ETV6: variants seen among roughly 807,000 people sequenced by gnomAD.
ETV6 encodes the protein ETS variant transcription factor 6.
ETV6 carries 16 observed loss-of-function variants against 51.1 expected under a neutral mutation model. The observed-to-expected ratio is 0.31, with a 90% confidence interval of 0.21 to 0.48. The LOEUF (loss-of-function observed/expected upper bound fraction) is 0.48. Among genes scored for constraint, ETV6 ranks in the 20% least tolerant of loss-of-function variants. The pLI is 0.99. For missense variants in ETV6, 458 were observed against 594.8 expected (o/e 0.77, Z 2.39); for synonymous variants, 240 against 224.1 (o/e 1.07, Z -0.64).
chr12:11,658,947 A>T (rs577362003), intron 1 of ETV6, among the ~76,000 whole-genome samples: 1 of 152,344 alleles, frequency 6.6e-6, no homozygotes, highest in South Asian at 2.1e-4. Flanking sequence ...CTATTCAGGG[A>T]TCTGCTCCTT....
intron 2 of ETV6, among the ~76,000 whole-genome samples, chr12:11,792,085 A>C (rs1304423063): frequency 6.6e-6 from 1 of 152,236 alleles, no homozygotes; most frequent in Non-Finnish European, 1.5e-5. Flanking sequence ...CACAGCAAAT[A>C]GATAAATCAA....
At chr12:11,780,406 A>C (rs1945396148) in intron 2 of ETV6, among the ~76,000 whole-genome samples, 1 of 152,188 alleles carries the variant, frequency 6.6e-6, no homozygotes, top group Non-Finnish European at 1.5e-5. Flanking sequence ...TTAGAAGTAT[A>C]CCAGTTCTTC....
chr12:11,723,195 T>C (rs973664828), intron 1 of ETV6, among the ~76,000 whole-genome samples: 2 of 152,214 alleles, frequency 1.3e-5, no homozygotes, highest in African/African-American at 2.4e-5. Flanking sequence ...AATTAATATG[T>C]GATAAGCCCT....
chr12:11,665,871 C>A (rs1419110112), intron 1 of ETV6, among the ~76,000 whole-genome samples: 2 of 152,194 alleles, frequency 1.3e-5, no homozygotes, highest in African/African-American at 4.8e-5. Flanking sequence ...TTCTCAGTTG[C>A]CTACTTTCTA....
At chr12:11,738,249 CCTCCTTCCT>C (rs1865743932) in intron 1 of ETV6, among the ~76,000 whole-genome samples, 3 of 149,572 alleles carry the variant, frequency 2.0e-5, no homozygotes, top group Non-Finnish European at 4.4e-5. Flanking sequence ...TCCCTCCTTC[CCTCCTTCCT>C]TCCTCTCTCT....
At position 11,891,153 on chromosome 12, in the gene ETV6, A is replaced by C; in HGVS notation, c.*107A>C. ...GCGGGCTGAGGAGAGTGGAAAAGGA[A>C]GCGACCCAGAAATGGCAGGGACACT... On this transcript the variant is annotated 3_prime_UTR_variant, in exon 8 of 8. Transcript: ENST00000396373. 1 of 838,738 alleles carries C rather than the reference A, an allele frequency of 1.2e-6. No homozygotes were observed. The allele number at this position is 838,738 out of a possible 1,614,324, so 52.0% of individuals were successfully genotyped here.
At position 11,729,191 on chromosome 12, in the gene ETV6, G is replaced by A. The variant is rs531224351; in HGVS notation, c.34-23259G>A. Among the ~76,000 whole-genome samples, 3 of 152,336 alleles carry A rather than the reference G, an allele frequency of 2.0e-5. No homozygotes were observed. The South Asian group carries it at 6.2e-4, about 32-fold the overall frequency. The stretch of plus-strand genomic sequence containing the variant: ...TTTCCTGCTCAGGCAGGTAAGATCT[G>A]CTGAAGGAAGGAACCGTTGCCAACT... On this transcript the variant is annotated intron_variant, in intron 1 of 7. Transcript: ENST00000396373.
intron 2 of ETV6, among the ~76,000 whole-genome samples, chr12:11,813,048 G>A (rs16907321): frequency 0.01 from 1,537 of 152,294 alleles, 27 homozygotes; most frequent in African/African-American, 0.035. Context: ...TCAGTTCGCC[G>A]GGATGTCTAT....
At position 11,869,478 on chromosome 12, in the gene ETV6, C is replaced by A. The variant is rs1428361713; in HGVS notation, c.518C>A (p.Pro173His). 45 of 1,613,980 alleles carry A rather than the reference C, an allele frequency of 2.8e-5. No individual in the cohort carries two copies. The highest frequency in any genetic ancestry group is 3.7e-5 in the Non-Finnish European group (44 of 1,180,012). The change falls in exon 5 of 8, where the codon CCT becomes CAT. Residue 173 changes from proline to histidine, a missense_variant. Coordinates refer to ENST00000396373, the MANE Select transcript of ETV6 (RefSeq NM_001987.5). The surrounding 1 kb of genome is among the most constrained non-coding windows in gnomAD (Gnocchi z 5.0). ...RPSVDNVHHNPPTIELLHRSR... is the reference protein window; with the variant it reads ...RPSVDNVHHNHPTIELLHRSR... The stretch of plus-strand genomic sequence containing the variant: ...TCCGTGGATAATGTGCACCATAACC[C>A]TCCCACCATTGAACTGTTGCACCGC...
chr12:11,801,508 G>A (rs142777531), intron 2 of ETV6, among the ~76,000 whole-genome samples: 1 of 152,342 alleles, frequency 6.6e-6, no homozygotes, highest in East Asian at 1.9e-4. Context: ...CTGAGAAATA[G>A]AATGGCCCTC....
intron 1 of ETV6, among the ~76,000 whole-genome samples, chr12:11,694,399 C>A (rs769677108): frequency 1.3e-5 from 2 of 152,118 alleles, no homozygotes; most frequent in Non-Finnish European, 2.9e-5. Context: ...GAATTGGGGA[C>A]CCATCTGTTG....
At chr12:11,835,358 C>G (rs189434040) in intron 2 of ETV6, among the ~76,000 whole-genome samples, 1 of 152,334 alleles carries the variant, frequency 6.6e-6, no homozygotes, top group Admixed American at 6.5e-5. Context: ...CTCTCCTTCT[C>G]TCCTTTTTTT....
At chr12:11,818,109 A>G (rs1301598561) in intron 2 of ETV6, among the ~76,000 whole-genome samples, 2 of 152,202 alleles carry the variant, frequency 1.3e-5, no homozygotes, top group African/African-American at 2.4e-5. Flanking sequence ...GTGCTGGGAA[A>G]AAAGGTCTGG....
intron 2 of ETV6, among the ~76,000 whole-genome samples, chr12:11,832,008 C>T (rs1473269907): frequency 2.0e-5 from 3 of 152,116 alleles, no homozygotes; most frequent in Admixed American, 6.5e-5. Flanking sequence ...GTCTAATGAG[C>T]TCCGATTTTT....
chr12:11,660,426 G>A (rs1415167745), intron 1 of ETV6, among the ~76,000 whole-genome samples: 2 of 151,984 alleles, frequency 1.3e-5, no homozygotes, highest in African/African-American at 2.4e-5. Flanking sequence ...CCAACATGGT[G>A]AAACCCTGTC....
At chr12:11,686,837 T>C (rs923183702) in intron 1 of ETV6, among the ~76,000 whole-genome samples, 1 of 152,162 alleles carries the variant, frequency 6.6e-6, no homozygotes, top group African/African-American at 2.4e-5. Context: ...CTTTCAATGC[T>C]CTGTTGTAGT....
intron 1 of ETV6, among the ~76,000 whole-genome samples, chr12:11,656,409 G>GAT (rs1401099767): frequency 6.6e-6 from 1 of 152,224 alleles, no homozygotes; most frequent in East Asian, 1.9e-4. Flanking sequence ...CATAAGCCGA[G>GAT]ATGAGAGGCA....
intron 2 of ETV6, among the ~76,000 whole-genome samples, chr12:11,769,740 C>T (rs1945214168): frequency 6.6e-6 from 1 of 152,144 alleles, no homozygotes; most frequent in African/African-American, 2.4e-5. Flanking sequence ...TGTAACATGC[C>T]CCTTCACTCC....
chr12:11,738,414 C>A (rs2121008229), intron 1 of ETV6, among the ~76,000 whole-genome samples: 2 of 150,854 alleles, frequency 1.3e-5, no homozygotes, highest in South Asian at 4.2e-4. Flanking sequence ...TTCTTGGGCT[C>A]AAGTGATCCT....
Sources: allele counts gnomAD v4.1 joint callset (sites outside exome capture counted in the v4.1 genomes callset), GRCh38; gene constraint gnomAD v4.1.1; non-coding constraint Gnocchi (gnomAD v3.1); transcripts MANE v1.5; gene names NCBI Gene and HGNC (gene_info 2026-07-23, HGNC 2026-07-21).